Variants in PITPNC1 observed in about 807,000 individuals in gnomAD.
PITPNC1 encodes cytoplasmic phosphatidylinositol transfer protein 1.
A neutral mutation model predicts 44.7 loss-of-function variants in PITPNC1; 18 were observed. The observed-to-expected ratio is 0.40, with a 90% CI of 0.28 to 0.60. The LOEUF (loss-of-function observed/expected upper bound fraction) is 0.60. PITPNC1 is among the 20% of genes least tolerant of loss of function. The pLI is 0.39. For missense variants in PITPNC1, 290 were observed against 418.4 expected (o/e 0.69, Z 2.68); for synonymous variants, 141 against 149.6 (o/e 0.94, Z 0.42).
At chr17:67,450,375 TAA>T (rs56265343) in intron 1 of PITPNC1, among the ~76,000 whole-genome samples, 63 of 148,372 alleles carry the variant, frequency 4.2e-4, no homozygotes, top group Non-Finnish European at 4.8e-4. Flanking sequence ...GAGACTTCGT[TAA>T]AAAAAAAAAA....
At chr17:67,544,612 G>C (rs909716170) in intron 2 of PITPNC1, among the ~76,000 whole-genome samples, 1 of 152,222 alleles carries the variant, frequency 6.6e-6, no homozygotes, top group Non-Finnish European at 1.5e-5. Context: ...CATTTTTCCC[G>C]CTACATGGCC....
intron 6 of PITPNC1, among the ~76,000 whole-genome samples, chr17:67,668,204 G>A (rs1012969891): frequency 5.3e-5 from 8 of 152,028 alleles, no homozygotes; most frequent in Non-Finnish European, 1.2e-4. Flanking sequence ...AGTTTTGCTT[G>A]TTCTTGAACT....
rs1567788848 is a variant in PITPNC1, at chr17:67,696,539, T to TA, written c.*3652dup. On this transcript the variant is annotated 3_prime_UTR_variant, in exon 9 of 9. Transcript: ENST00000581322. ...TTTCTGATCATCTGACTCAGTAGGC[T>TA]AGGAGACAATCTGTCATCTGAGCCA... 6.6e-6 allele frequency: 1 copy of TA among 152,230 alleles called. No individual in the cohort carries two copies. The highest frequency in any genetic ancestry group is 1.5e-5 in the Non-Finnish European group (1 of 68,028). The allele number at this position is 152,230 out of a possible 1,614,324, so 9.4% of individuals were successfully genotyped here.
intron 1 of PITPNC1, among the ~76,000 whole-genome samples, chr17:67,521,156 C>T (rs2040320801): frequency 1.3e-5 from 2 of 152,166 alleles, no homozygotes; most frequent in South Asian, 2.1e-4. Flanking sequence ...GTGCTGGTAC[C>T]AGCAGGAAGC....
intron 2 of PITPNC1, among the ~76,000 whole-genome samples, chr17:67,549,288 T>C (rs944253309): frequency 1.3e-5 from 2 of 152,104 alleles, no homozygotes; most frequent in African/African-American, 2.4e-5. Flanking sequence ...ACCCTGTCTC[T>C]ATAGCTTGAA....
chr17:67,491,456 T>A (rs922112270), intron 1 of PITPNC1, among the ~76,000 whole-genome samples: 5 of 152,140 alleles, frequency 3.3e-5, no homozygotes, highest in African/African-American at 1.2e-4. Flanking sequence ...ATCCCCAAGT[T>A]CATGAACATC....
chr17:67,454,846 G>A (rs1454868715), intron 1 of PITPNC1, among the ~76,000 whole-genome samples: 1 of 143,736 alleles, frequency 7.0e-6, no homozygotes, highest in Non-Finnish European at 1.5e-5. Flanking sequence ...TTGAGTCAGG[G>A]TCTCACTGTG....
intron 6 of PITPNC1, among the ~76,000 whole-genome samples, chr17:67,664,904 CAAAA>C (rs541838718): frequency 3.3e-5 from 3 of 91,596 alleles, no homozygotes. Flanking sequence ...GACTCCATCT[CAAAA>C]AAAAAAAAAA....
chr17:67,640,685 G>GAAAAA (rs71139165), intron 6 of PITPNC1, among the ~76,000 whole-genome samples: 5 of 100,218 alleles, frequency 5.0e-5, no homozygotes, highest in African/African-American at 7.8e-5. Flanking sequence ...TGTTGAAAAA[G>GAAAAA]AAAAAAAAAA....
intron 1 of PITPNC1, among the ~76,000 whole-genome samples, chr17:67,381,620 C>T (rs1445724763): frequency 6.6e-6 from 1 of 152,022 alleles, no homozygotes; most frequent in East Asian, 2.0e-4. Flanking sequence ...GCGCCAGCCA[C>T]CGCACCCTGC....
intron 1 of PITPNC1, among the ~76,000 whole-genome samples, chr17:67,474,149 C>T (rs980596362): frequency 6.6e-6 from 1 of 151,944 alleles, no homozygotes; most frequent in Non-Finnish European, 1.5e-5. Context: ...AGCGAAGTTC[C>T]TAGGAAGGTC....
At position 67,632,443 on chromosome 17, in the gene PITPNC1, A is replaced by G. The variant is rs781529085; in HGVS notation, c.462+205A>G. ...CATCATTGGCCCTGGCTGTTACTCA[A>G]TCTCCACTTAGTTTTCCTGTCTCCC... On this transcript the variant is annotated intron_variant, in intron 6 of 8. Transcript: ENST00000581322. 31 of 575,440 alleles carry G rather than the reference A, an allele frequency of 5.4e-5. No homozygotes were observed. The Admixed American group carries it at 7.3e-4, about 14-fold the overall frequency. 35.6% of individuals were successfully genotyped at this position (575,440 alleles called of 1,614,324 possible).
At chr17:67,596,238 G>A (rs1223942218) in intron 5 of PITPNC1, among the ~76,000 whole-genome samples, 2 of 152,132 alleles carry the variant, frequency 1.3e-5, no homozygotes, top group Non-Finnish European at 2.9e-5. Context: ...CGATCTATGG[G>A]TGAAGCTTTG....
At chr17:67,575,850 CTTTCT>C (rs2041138454) in intron 4 of PITPNC1, among the ~76,000 whole-genome samples, 3 of 89,668 alleles carry the variant, frequency 3.3e-5, no homozygotes, top group African/African-American at 5.1e-5. Flanking sequence ...TTCTTTCTTT[CTTTCT>C]TTCCTTCCTT....
chr17:67,439,304 G>C (rs1368088043), intron 1 of PITPNC1, among the ~76,000 whole-genome samples: 2 of 152,194 alleles, frequency 1.3e-5, no homozygotes, highest in Admixed American at 1.3e-4. Flanking sequence ...CAAAACAGCT[G>C]TGTTTGCTAT....
chr17:67,444,612 G>T (rs900760058), intron 1 of PITPNC1, among the ~76,000 whole-genome samples: 50 of 152,042 alleles, frequency 3.3e-4, no homozygotes, highest in African/African-American at 1.1e-3. Flanking sequence ...AGAAGAGAAG[G>T]CTGGCCAGGC....
intron 1 of PITPNC1, among the ~76,000 whole-genome samples, chr17:67,484,097 T>C (rs1376439340): frequency 6.6e-6 from 1 of 152,072 alleles, no homozygotes; most frequent in Non-Finnish European, 1.5e-5. Context: ...TTTGTATTTT[T>C]AGTAGAGACG....
At chr17:67,574,640 G>T (rs553479990) in intron 4 of PITPNC1, among the ~76,000 whole-genome samples, 1 of 152,308 alleles carries the variant, frequency 6.6e-6, no homozygotes, top group South Asian at 2.1e-4. Flanking sequence ...CTGCATGGGG[G>T]AGGCAGAAGG....
rs116765703 is a variant in PITPNC1, at chr17:67,687,375, C to G, written c.683-5197C>G. 3.2e-3 allele frequency among the ~76,000 whole-genome samples: 480 copies of G among 152,252 alleles called. 4 individuals are homozygous for G. The highest frequency in any genetic ancestry group is 0.011 in the African/African-American group (451 of 41,538). ...CCTCTCTCTTCCAGACATTTCGATC[C>G]CTTAAAGTTGCTTGACGTGGAGGTT... On this transcript the variant is annotated intron_variant, in intron 8 of 8. Transcript: ENST00000581322.
Sources: allele counts gnomAD v4.1 joint callset (sites outside exome capture counted in the v4.1 genomes callset), GRCh38; gene constraint gnomAD v4.1.1; transcripts MANE v1.5; gene names NCBI Gene and HGNC (gene_info 2026-07-23, HGNC 2026-07-21).